EPHA1: variants seen among roughly 807,000 people sequenced by gnomAD.
EPHA1 encodes the protein EPH receptor A1, also known as ephrin type-A receptor 1.
Under a neutral mutation model 110.1 loss-of-function variants are expected in EPHA1, and 92 were observed. The observed-to-expected ratio is 0.84, with a 90% CI of 0.71 to 0.99. The LOEUF (loss-of-function observed/expected upper bound fraction) is 0.99, where lower values mean the gene tolerates loss of function less well. Among genes scored for constraint, EPHA1 ranks in the 50% least tolerant of loss-of-function variants. The pLI is 0.00. For synonymous variants in EPHA1, 500 were observed against 516.1 expected, an observed-to-expected ratio of 0.97 and a Z score of 0.42; for missense variants, 1,204 against 1,285.4, an observed-to-expected ratio of 0.94 and a Z score of 0.97.
At chr7:143,398,498 C>A (rs1289391443) in intron 6 of EPHA1, 50 bp from the exon 7 acceptor site, 1 of 1,611,726 alleles carries the variant, frequency 6.2e-7, no homozygotes, top group African/African-American at 1.3e-5. Flanking sequence ...AAGGAAATAA[C>A]CTTAGTAACT....
In EPHA1 at chr7:143,405,734, C is replaced by A. The variant is rs117529092; in HGVS notation, c.150+1877G>T. Among the ~76,000 whole-genome samples the A allele has an allele frequency of 7.7e-4, 117 of 152,270 alleles. 1 individual carries two copies. The East Asian group carries it at 0.02, about 26-fold the overall frequency. On this transcript the variant is annotated intron_variant, in intron 2 of 17. Transcript: ENST00000275815. ...AAGTCAACTATTAGGGCTGGATCTT[C>A]CAAACGGCCCCTCCTGGAGGATCCA...
intron 2 of EPHA1, among the ~76,000 whole-genome samples, chr7:143,407,173 G>A (rs1044101152): frequency 2.6e-5 from 4 of 152,090 alleles, no homozygotes; most frequent in African/African-American, 7.2e-5. Context: ...ACACTTTCAT[G>A]GGGTTTCCCC....
At position 143,394,794 on chromosome 7, in the gene EPHA1, T is replaced by C; in HGVS notation, c.2352+14A>G. On this transcript the variant is annotated intron_variant, in intron 14 of 17. Transcript: ENST00000275815. ...GCAATGTGAATGTGCACTGGGTTTG[T>C]ACCGGCCTCTAACCTGGGTTTCGTA... The C allele has an allele frequency of 6.2e-7, 1 of 1,613,812 alleles. No homozygotes were observed. Among genetic ancestry groups the C allele is most frequent in the African/African-American group, 1.3e-5 (1 of 75,042 alleles).
chr7:143,403,714 T>C (rs913725232), intron 2 of EPHA1, among the ~76,000 whole-genome samples: 2 of 152,244 alleles, frequency 1.3e-5, no homozygotes, highest in Admixed American at 6.5e-5. Context: ...CAACACAGAA[T>C]ACTAATAACC....
At chr7:143,400,697 C>T (rs558716072) in intron 3 of EPHA1, 1 of 154,904 alleles carries the variant, frequency 6.5e-6, no homozygotes, top group East Asian at 1.9e-4. Context: ...CTCTGTGCTA[C>T]ACTTCCCTCC....
chr7:143,399,664 G>A lies in EPHA1; in HGVS notation c.822C>T (p.Gly274=), dbSNP rs562629730. Residue 274 remains glycine, a synonymous_variant, in exon 4 of 18, where the codon GGC becomes GGT. Transcript: ENST00000275815. ...CEPGYEEGGS[G]EACVACPSGS... ...CTCCGTTCTTACCAACACATGCTTC[G>A]CCACTGCCACCTTCCTCATAGCCAG... The A allele has an allele frequency of 2.0e-5, 32 of 1,613,356 alleles. No homozygotes were observed. Among genetic ancestry groups the A allele is most frequent in the South Asian group, 1.5e-4 (14 of 91,044 alleles).
rs1382179005 is a variant in EPHA1, at chr7:143,394,819, A to T, written c.2341T>A (p.Tyr781Asn). The T allele has an allele frequency of 1.2e-6, 2 of 1,614,114 alleles. No individual in the cohort carries two copies. Among genetic ancestry groups the T allele is most frequent in the Non-Finnish European group, 1.7e-6 (2 of 1,180,030 alleles). Residue 781 changes from tyrosine to asparagine, a missense_variant, in exon 14 of 18, where the codon TAC becomes AAC. Coordinates refer to ENST00000275815, the MANE Select transcript of EPHA1 (RefSeq NM_005232.5). ...TACCGGCCTCTAACCTGGGTTTCGT[A>T]TGTGCCATCAAAGTCATCCAGGAGG... ...TRLLDDFDGTYETQGGKIPIR... is the reference protein window; with the variant it reads ...TRLLDDFDGTNETQGGKIPIR...
At position 143,391,498 on chromosome 7, in the gene EPHA1, G is replaced by C; in HGVS notation, c.2890C>G (p.Gln964Glu). 6.2e-7 allele frequency: 1 copy of C among 1,614,188 alleles called. No individual in the cohort carries two copies. Among genetic ancestry groups the C allele is most frequent in the Non-Finnish European group, 8.5e-7 (1 of 1,180,024 alleles). Residue 964 changes from glutamine (Q) to glutamate (E), a missense_variant, in exon 18 of 18, where the codon CAG becomes GAG. Transcript: ENST00000275815. ...TGAATACTGCAAAGAATGCGCTTCT[G>C]GTGCCCGGGCAGTGTGATTCCCATC... is the stretch of plus-strand genomic sequence containing the variant. ...TQMGITLPGH[Q>E]KRILCSIQGF...
In EPHA1 at chr7:143,401,557, G is replaced by A. The variant is rs758867460; in HGVS notation, c.199C>T (p.Gln67Ter). Residue 67 changes from glutamine (Q) to a stop codon, truncating the protein, a stop_gained, in exon 3 of 18, where the codon CAG becomes TAG. Transcript: ENST00000275815. LOFTEE classifies it high-confidence loss of function. This position sits in a 1 kb window ranked among gnomAD's most constrained non-coding sequence, Gnocchi z 4.1. Reference sequence around the variant, plus strand: ...CTGCGTCCTTGCATTGGGCAGTCCTGGTACATGTACAGGGGTGTCCCATTC... The same window carrying A: ...CTGCGTCCTTGCATTGGGCAGTCCTAGTACATGTACAGGGGTGTCCCATTC... Reference protein sequence around the residue: ...ILNGTPLYMYQDCPMQGRRDT... With the variant: ...ILNGTPLYMY 3 of 1,614,132 alleles carry A rather than the reference G, an allele frequency of 1.9e-6. No individual in the cohort carries two copies. The highest frequency in any genetic ancestry group is 1.7e-6 in the Non-Finnish European group (2 of 1,180,018).
chr7:143,407,000 G>T (rs2116642406), intron 2 of EPHA1, among the ~76,000 whole-genome samples: 1 of 152,322 alleles, frequency 6.6e-6, no homozygotes, highest in African/African-American at 2.4e-5. Flanking sequence ...TGTGCACGCA[G>T]TCAGCCTGAG....
chr7:143,391,899 G>A (rs1219777480), intron 16 of EPHA1, 124 bp from the exon 17 acceptor site: 1 of 1,483,580 alleles, frequency 6.7e-7, no homozygotes, highest in Non-Finnish European at 9.0e-7. Context: ...CTAGACTGTG[G>A]ATTGACCCCA....
Position 143,401,206 on chromosome 7 carries a change from T to C in EPHA1, c.432+118A>G. 7.2e-7 allele frequency: 1 copy of C among 1,379,890 alleles called. No homozygotes were observed. Among genetic ancestry groups the C allele is most frequent in the African/African-American group, 1.4e-5 (1 of 69,336 alleles). The allele number at this position is 1,379,890 out of a possible 1,614,324, so 85.5% of individuals were successfully genotyped here. ...CCATGCCCAGCCTTCAAGCGCCAAA[T>C]TCTTTTCAAGATTCTACCTCTGCAC... On this transcript the variant is annotated intron_variant, in intron 3 of 17. Transcript: ENST00000275815. The surrounding 1 kb of genome is among the most constrained non-coding windows in gnomAD (Gnocchi z 4.1).
In EPHA1 at chr7:143,401,217, A is replaced by G; in HGVS notation, c.432+107T>C. The G allele has an allele frequency of 7.0e-7, 1 of 1,428,258 alleles. No individual in the cohort carries two copies. The allele number at this position is 1,428,258 out of a possible 1,614,324, so 88.5% of individuals were successfully genotyped here. Reference sequence around the variant, plus strand: ...CTTCAAGCGCCAAATTCTTTTCAAGATTCTACCTCTGCACCCTCTTCCTGT... The same window carrying G: ...CTTCAAGCGCCAAATTCTTTTCAAGGTTCTACCTCTGCACCCTCTTCCTGT... On this transcript the variant is annotated intron_variant, in intron 3 of 17. Transcript: ENST00000275815. The surrounding 1 kb of genome is among the most constrained non-coding windows in gnomAD (Gnocchi z 4.1).
At chr7:143,405,022 G>T (rs922078190) in intron 2 of EPHA1, among the ~76,000 whole-genome samples, 55 of 151,964 alleles carry the variant, frequency 3.6e-4, no homozygotes, top group African/African-American at 1.3e-3. Flanking sequence ...GTGAGGTGGG[G>T]CAGAAATAGA....
intron 16 of EPHA1, among the ~76,000 whole-genome samples, chr7:143,392,388 AGTTGC>A (rs1447469508): frequency 8.5e-5 from 13 of 152,170 alleles, no homozygotes; most frequent in Non-Finnish European, 1.6e-4. Context: ...TGTATGAGGG[AGTTGC>A]GCTCCAAAAG....
In EPHA1 at chr7:143,395,788, G is replaced by A. The variant is rs978114649; in HGVS notation, c.1898-284C>T. On this transcript the variant is annotated intron_variant, in intron 11 of 17. Coordinates refer to ENST00000275815, the MANE Select transcript of EPHA1 (RefSeq NM_005232.5). The surrounding 1 kb of genome is among the most constrained non-coding windows in gnomAD (Gnocchi z 4.7). ...AGGGTGAATGAACCCTGTGGAGCGG[G>A]ACTGGGCCGTGCTCATGAAGAGCAA... Among the ~76,000 whole-genome samples the A allele has an allele frequency of 2.0e-5, 3 of 152,230 alleles. No homozygotes were observed. Among genetic ancestry groups the A allele is most frequent in the African/African-American group, 7.2e-5 (3 of 41,466 alleles).
chr7:143,398,335 G>A lies in EPHA1; in HGVS notation c.1450C>T (p.His484Tyr). The A allele has an allele frequency of 6.2e-7, 1 of 1,614,090 alleles. No homozygotes were observed. Among genetic ancestry groups the A allele is most frequent in the African/African-American group, 1.3e-5 (1 of 75,046 alleles). ...SPGANLTYEL[H>Y]VLNQDEERYQ... ...AGCATCCTGACCTGGTTCAGCACGT[G>A]CAGCTCATAGGTCAGGTTCGCCCCA... The change falls in exon 7 of 18, where the codon CAC (histidine) becomes TAC (tyrosine). Residue 484 changes from histidine (H) to tyrosine (Y), a missense_variant. Physicochemically the swap from His to Tyr is moderately conservative, Grantham distance 83 (BLOSUM62 2). Transcript: ENST00000275815.
chr7:143,401,184 T>A lies in EPHA1; in HGVS notation c.432+140A>T. On this transcript the variant is annotated intron_variant, in intron 3 of 17. Coordinates refer to ENST00000275815, the MANE Select transcript of EPHA1 (RefSeq NM_005232.5). This position sits in a 1 kb window ranked among gnomAD's most constrained non-coding sequence, Gnocchi z 4.1. ...CTGGAATTACAGGCACAAGCCACCA[T>A]GCCCAGCCTTCAAGCGCCAAATTCT... 1 of 1,109,678 alleles carries A rather than the reference T, an allele frequency of 9.0e-7. No homozygotes were observed. Among genetic ancestry groups the A allele is most frequent in the Non-Finnish European group, 1.3e-6 (1 of 784,664 alleles). The allele number at this position is 1,109,678 out of a possible 1,614,324, so 68.7% of individuals were successfully genotyped here.
At position 143,394,326 on chromosome 7, in the gene EPHA1, G is replaced by T; in HGVS notation, c.2370C>A (p.Ile790=). ...TYETQGGKIP[I]RWTAPEAIAH... ...CAATGGCTTCAGGGGCTGTCCAACG[G>T]ATAGGGATCTTTCCTCCCTAAGAAG... Residue 790 remains isoleucine (I), a synonymous_variant, in exon 15 of 18, where the codon ATC becomes ATA. Transcript: ENST00000275815. 2 of 1,614,080 alleles carry T rather than the reference G, an allele frequency of 1.2e-6. No homozygotes were observed. The highest frequency in any genetic ancestry group is 1.7e-6 in the Non-Finnish European group (2 of 1,179,950).
Sources: allele counts gnomAD v4.1 joint callset (sites outside exome capture counted in the v4.1 genomes callset), GRCh38; gene constraint gnomAD v4.1.1; non-coding constraint Gnocchi (gnomAD v3.1); transcripts MANE v1.5; gene names NCBI Gene and HGNC (gene_info 2026-07-23, HGNC 2026-07-21).